NBEA: variants seen among roughly 807,000 people sequenced by gnomAD.
NBEA encodes neurobeachin.
NBEA carries 44 observed loss-of-function variants against 343.4 expected under a neutral mutation model. That is an observed-to-expected ratio of 0.13 (90% CI 0.10 to 0.16). NBEA has a LOEUF of 0.16. Ranked by LOEUF, NBEA falls within the 10% of genes least tolerant of loss-of-function variation. NBEA has a pLI of 1.00. For missense variants in NBEA, 2,555 were observed against 3,631.3 expected, an observed-to-expected ratio of 0.70 and a Z score of 7.62; for synonymous variants, 1,175 against 1,238.7, an observed-to-expected ratio of 0.95 and a Z score of 1.08.
At chr13:34,991,692 A>G (rs1299553009) in intron 1 of NBEA, among the ~76,000 whole-genome samples, 2 of 152,196 alleles carry the variant, frequency 1.3e-5, no homozygotes, top group African/African-American at 4.8e-5. Context: ...TATGTATTTT[A>G]AAGATGTACT....
At position 35,672,688 on chromosome 13, in the gene NBEA, G is replaced by A. The variant is rs564470528; in HGVS notation, c.*1697G>A. ...CAAAGATGTAAAATATGCCAGATGT[G>A]TGTGAGTTGGAAATCAAAAAAAGAA... is the stretch of plus-strand genomic sequence containing the variant. On this transcript the variant is annotated 3_prime_UTR_variant, in exon 59 of 59. Transcript: ENST00000379939. 1.3e-5 allele frequency: 2 copies of A among 152,768 alleles called. No individual in the cohort carries two copies. The highest frequency in any genetic ancestry group is 1.9e-4 in the East Asian group (1 of 5,188). The allele number at this position is 152,768 out of a possible 1,614,324, so 9.5% of individuals were successfully genotyped here. A position where few individuals can be genotyped will look rare whatever the true frequency, so the allele number is the denominator to read the frequency against.
Position 34,942,758 on chromosome 13 carries a change from A to C in NBEA, c.-63A>C. On this transcript the variant is annotated 5_prime_UTR_variant, in exon 1 of 59. Transcript: ENST00000379939. ...ACGGCCGGGGGGCGGGGGCCGAGGC[A>C]GGTATAACGGTACCGGCGGCGGCAG... The C allele has an allele frequency of 8.2e-7, 1 of 1,213,982 alleles. No individual in the cohort carries two copies. Among genetic ancestry groups the C allele is most frequent in the Non-Finnish European group, 1.0e-6 (1 of 966,234 alleles). The allele number at this position is 1,213,982 out of a possible 1,614,324, so 75.2% of individuals were successfully genotyped here. A position where few individuals can be genotyped will look rare whatever the true frequency, so the allele number is the denominator to read the frequency against.
intron 1 of NBEA, among the ~76,000 whole-genome samples, chr13:35,027,798 G>T (rs1261290656): frequency 6.6e-6 from 1 of 151,766 alleles, no homozygotes; most frequent in African/African-American, 2.4e-5. Flanking sequence ...TCTTCTAAAA[G>T]TTTTATATTT....
chr13:35,665,613 C>G (rs1344815477), intron 56 of NBEA, among the ~76,000 whole-genome samples: 1 of 149,680 alleles, frequency 6.7e-6, no homozygotes, highest in East Asian at 2.0e-4. Context: ...ACAAAGATTA[C>G]TTGGTTCTTT....
At chr13:35,536,759 T>C (rs2078573345) in intron 41 of NBEA, among the ~76,000 whole-genome samples, 1 of 152,166 alleles carries the variant, frequency 6.6e-6, no homozygotes, top group African/African-American at 2.4e-5. Flanking sequence ...CCCAGGTGCA[T>C]TGCCTGTCTT....
chr13:34,973,397 G>A (rs552278980), intron 1 of NBEA, among the ~76,000 whole-genome samples: 1 of 152,062 alleles, frequency 6.6e-6, no homozygotes, highest in African/African-American at 2.4e-5. Flanking sequence ...GGCTAGAATG[G>A]CTAAGTTGCC....
At chr13:35,666,435 A>G (rs547897397) in intron 56 of NBEA, among the ~76,000 whole-genome samples, 1 of 151,688 alleles carries the variant, frequency 6.6e-6, no homozygotes, top group African/African-American at 2.4e-5. Context: ...AAAGGAAAAT[A>G]AGTGACACAT....
At chr13:35,304,019 A>G (rs2036721992) in intron 35 of NBEA, among the ~76,000 whole-genome samples, 1 of 152,198 alleles carries the variant, frequency 6.6e-6, no homozygotes, top group African/African-American at 2.4e-5. Context: ...TGAAATAGTG[A>G]TAGTTTTCTA....
intron 8 of NBEA, among the ~76,000 whole-genome samples, chr13:35,067,290 G>A (rs1435920882): frequency 1.3e-5 from 2 of 151,056 alleles, no homozygotes; most frequent in Non-Finnish European, 3.0e-5. Context: ...CGTTTCCTTA[G>A]CTCAGTACAA....
At chr13:35,535,942 C>A (rs1042302157) in intron 41 of NBEA, among the ~76,000 whole-genome samples, 1 of 152,124 alleles carries the variant, frequency 6.6e-6, no homozygotes, top group African/African-American at 2.4e-5. Context: ...GTAAAATAGA[C>A]CCAATCAAAA....
At chr13:34,999,686 T>C (rs974742888) in intron 1 of NBEA, among the ~76,000 whole-genome samples, 1 of 152,246 alleles carries the variant, frequency 6.6e-6, no homozygotes, top group East Asian at 1.9e-4. Flanking sequence ...CTCAGCCTTA[T>C]GGGTTTGAAT....
chr13:35,511,726 G>A (rs1176055276), intron 41 of NBEA, among the ~76,000 whole-genome samples: 1 of 152,082 alleles, frequency 6.6e-6, no homozygotes, highest in Non-Finnish European at 1.5e-5. Flanking sequence ...ACTCTTCAAA[G>A]AAGTTATATA....
At chr13:35,160,378 T>A (rs1168018131) in intron 22 of NBEA, among the ~76,000 whole-genome samples, 1 of 152,144 alleles carries the variant, frequency 6.6e-6, no homozygotes, top group African/African-American at 2.4e-5. Context: ...CATTTTGTAC[T>A]CAAGATCTTC....
At chr13:35,122,897 G>A (rs1593419637) in intron 16 of NBEA, among the ~76,000 whole-genome samples, 1 of 152,228 alleles carries the variant, frequency 6.6e-6, no homozygotes, top group East Asian at 1.9e-4. Context: ...GAATTCAAGA[G>A]CCCAGCAAAG....
chr13:35,298,056 A>C (rs527996049), intron 35 of NBEA, among the ~76,000 whole-genome samples: 2 of 151,678 alleles, frequency 1.3e-5, no homozygotes, highest in South Asian at 4.2e-4. Context: ...CTTACCAATA[A>C]CATAAGCCAT....
intron 41 of NBEA, among the ~76,000 whole-genome samples, chr13:35,537,265 C>G (rs1444065391): frequency 6.6e-6 from 1 of 152,120 alleles, no homozygotes. Flanking sequence ...TATACTTCTG[C>G]TACTAGAGAA....
At chr13:35,297,181 G>A (rs1174975547) in intron 35 of NBEA, among the ~76,000 whole-genome samples, 2 of 151,686 alleles carry the variant, frequency 1.3e-5, no homozygotes. Flanking sequence ...AAGTATTAAT[G>A]AAACCAACAT....
At chr13:35,528,651 G>A (rs2078099947) in intron 41 of NBEA, among the ~76,000 whole-genome samples, 1 of 152,136 alleles carries the variant, frequency 6.6e-6, no homozygotes, top group Admixed American at 6.6e-5. Context: ...TAATGCAGTA[G>A]CAAAGCAGTA....
At chr13:35,014,801 A>G (rs2061595478) in intron 1 of NBEA, among the ~76,000 whole-genome samples, 1 of 152,016 alleles carries the variant, frequency 6.6e-6, no homozygotes, top group East Asian at 1.9e-4. Context: ...CACTGGGCTC[A>G]GTGAGGTTGC....
Sources: gnomAD v4.1 joint callset for allele counts (sites outside exome capture counted in the v4.1 genomes callset) on GRCh38, gnomAD v4.1.1 for gene constraint, MANE v1.5 for transcripts, NCBI Gene and HGNC (gene_info 2026-07-23, HGNC 2026-07-21) for gene names.